The following ABI3BP variants were observed in gnomAD, a reference collection of about 807,000 sequenced individuals.
The protein encoded by ABI3BP is target of Nesh-SH3.
A neutral mutation model predicts 268.6 loss-of-function variants in ABI3BP; 216 were observed. That is an observed-to-expected ratio of 0.80 (90% CI 0.72 to 0.90). The LOEUF is 0.90. Among genes scored for constraint, ABI3BP ranks in the 40% least tolerant of loss-of-function variants. The pLI is 0.00. For missense variants in ABI3BP, 2,090 were observed against 2,182.4 expected, an observed-to-expected ratio of 0.96 and a Z score of 0.84; for synonymous variants, 730 against 730.0, an observed-to-expected ratio of 1.00 and a Z score of 0.00.
chr3:100,819,903 G>A (rs908648894), intron 40 of ABI3BP, among the ~76,000 whole-genome samples: 6 of 145,328 alleles, frequency 4.1e-5, no homozygotes, highest in South Asian at 2.1e-4. Context: ...AGCTGAGATC[G>A]TGCCACTGCA....
chr3:100,853,460 A>C (rs1439130839), intron 14 of ABI3BP, among the ~76,000 whole-genome samples: 1 of 152,196 alleles, frequency 6.6e-6, no homozygotes, highest in East Asian at 1.9e-4. Context: ...AAAATAAGAA[A>C]AACTTTGCCA....
intron 64 of ABI3BP, among the ~76,000 whole-genome samples, chr3:100,754,159 G>A (rs2149300456): frequency 6.6e-6 from 1 of 152,258 alleles, no homozygotes; most frequent in Non-Finnish European, 1.5e-5. Context: ...AAAACTTCAT[G>A]GTAAAAATCA....
chr3:100,940,333 A>C (rs2068376574), intron 1 of ABI3BP, among the ~76,000 whole-genome samples: 1 of 152,080 alleles, frequency 6.6e-6, no homozygotes, highest in East Asian at 1.9e-4. Flanking sequence ...AAATTATAAA[A>C]GTATTAATTT....
At chr3:100,922,850 G>T (rs563364869) in intron 2 of ABI3BP, among the ~76,000 whole-genome samples, 2 of 152,160 alleles carry the variant, frequency 1.3e-5, no homozygotes, top group African/African-American at 4.8e-5. Context: ...TTTAGCAGCT[G>T]CAGGAAATTA....
At chr3:100,933,369 T>C (rs2064442874) in intron 1 of ABI3BP, among the ~76,000 whole-genome samples, 1 of 151,898 alleles carries the variant, frequency 6.6e-6, no homozygotes, top group African/African-American at 2.4e-5. Context: ...TTCTTATCCA[T>C]AGTGTGTTCT....
intron 1 of ABI3BP, among the ~76,000 whole-genome samples, chr3:100,939,583 C>T (rs550832335): frequency 1.1e-4 from 16 of 151,976 alleles, no homozygotes; most frequent in South Asian, 2.1e-4. Context: ...AGGGAGTGTG[C>T]GAATAGGTGT....
intron 6 of ABI3BP, 82 bp downstream of exon 6, chr3:100,885,454 C>A: frequency 1.3e-6 from 1 of 744,098 alleles, no homozygotes; most frequent in Non-Finnish European, 2.0e-6. Context: ...AATCTAATTT[C>A]AGTATCTTAT....
chr3:100,753,019 A>G lies in ABI3BP; in HGVS notation c.4961-71T>C, dbSNP rs2095420920. Reference sequence around the variant, plus strand: ...AGATACTTCAAGAAATCAGTTTACAAAATTTGTCAACTTGCTGATACCTTT... The same window carrying G: ...AGATACTTCAAGAAATCAGTTTACAGAATTTGTCAACTTGCTGATACCTTT... On this transcript the variant is annotated intron_variant, in intron 65 of 67. Coordinates refer to ENST00000471714, the MANE Select transcript of ABI3BP (RefSeq NM_001375547.2). The G allele has an allele frequency of 3.4e-6, 5 of 1,449,846 alleles. No homozygotes were observed. The Admixed American group carries it at 9.2e-5, about 27-fold the overall frequency. 89.8% of individuals were successfully genotyped at this position (1,449,846 alleles called of 1,614,324 possible). A position where few individuals can be genotyped will look rare whatever the true frequency, so the allele number is the denominator to read the frequency against.
intron 1 of ABI3BP, among the ~76,000 whole-genome samples, chr3:100,964,572 A>G (rs765125061): frequency 1.3e-5 from 2 of 152,168 alleles, no homozygotes; most frequent in Non-Finnish European, 1.5e-5. Context: ...CAGGGTATAG[A>G]CACCAGACAA....
chr3:100,765,911 C>T lies in ABI3BP; in HGVS notation c.4780G>A (p.Gly1594Arg). The change falls in exon 63 of 68, where the codon GGG becomes AGG. Residue 1594 changes from glycine (G) to arginine (R), a missense_variant. Physicochemically the swap from Gly to Arg is moderately radical, Grantham distance 125. Coordinates refer to ENST00000471714, the MANE Select transcript of ABI3BP (RefSeq NM_001375547.2). ...VISRENGSFS[G>R]KNKSIQMTNQ... ...GTCATTTGAATGGACTTGTTCTTCC[C>T]ACTGAATGACCCATTTTCTCTGGAT... 6.2e-7 allele frequency: 1 copy of T among 1,612,802 alleles called. No homozygotes were observed. Among genetic ancestry groups the T allele is most frequent in the South Asian group, 1.1e-5 (1 of 90,714 alleles).
Position 100,868,579 on chromosome 3 carries a change from C to T in ABI3BP, c.911-1623G>A, listed in dbSNP as rs924083267. ...ACAATTAGAAAGTCATCTTTCACGACGTTTATAGCAGCAAATCAGTTTTCA... is the reference window on the plus strand; with the variant it reads ...ACAATTAGAAAGTCATCTTTCACGATGTTTATAGCAGCAAATCAGTTTTCA... On this transcript the variant is annotated intron_variant, in intron 9 of 67. Transcript: ENST00000471714. Among the ~76,000 whole-genome samples, 4 of 152,096 alleles carry T rather than the reference C, an allele frequency of 2.6e-5. No individual in the cohort carries two copies. In the East Asian group the frequency reaches 5.8e-4, roughly 22 times the overall value.
At chr3:100,990,789 C>T (rs891930749) in intron 1 of ABI3BP, among the ~76,000 whole-genome samples, 1 of 151,994 alleles carries the variant, frequency 6.6e-6, no homozygotes, top group African/African-American at 2.4e-5. Flanking sequence ...CAGGTTAGAA[C>T]ATGGATTTTG....
intron 49 of ABI3BP, among the ~76,000 whole-genome samples, chr3:100,809,315 C>T (rs73152465): frequency 0.13 from 20,487 of 151,912 alleles, 1,800 homozygotes; most frequent in South Asian, 0.27. Flanking sequence ...TCTCACAGTT[C>T]GTGATTTTCT....
At chr3:100,836,261 T>C (rs1374911944) in intron 27 of ABI3BP, among the ~76,000 whole-genome samples, 1 of 152,204 alleles carries the variant, frequency 6.6e-6, no homozygotes, top group African/African-American at 2.4e-5. Flanking sequence ...ATACAACTTT[T>C]TGTCTAGATA....
chr3:100,878,125 T>A (rs2099182464), intron 6 of ABI3BP, among the ~76,000 whole-genome samples: 2 of 152,212 alleles, frequency 1.3e-5, no homozygotes, highest in Non-Finnish European at 2.9e-5. Flanking sequence ...TTTATTATCA[T>A]AACTTAAAAT....
intron 63 of ABI3BP, among the ~76,000 whole-genome samples, chr3:100,761,501 C>T (rs952444583): frequency 4.6e-5 from 7 of 152,234 alleles, no homozygotes; most frequent in Admixed American, 1.3e-4. Flanking sequence ...TGTCTAATGC[C>T]AGGTGTGGAG....
intron 36 of ABI3BP, 33 bp downstream of exon 36, chr3:100,824,825 G>C: frequency 1.3e-6 from 2 of 1,509,496 alleles, no homozygotes; most frequent in Non-Finnish European, 1.8e-6. Context: ...GGCTGCCAGG[G>C]ATCACCCTTA....
chr3:100,983,969 T>C (rs758991373), intron 1 of ABI3BP, among the ~76,000 whole-genome samples: 1 of 152,180 alleles, frequency 6.6e-6, no homozygotes, highest in Non-Finnish European at 1.5e-5. Context: ...TAAAAATCAC[T>C]TTTAAATTTA....
rs2096527148 is a variant in ABI3BP at position 100,770,910 on chromosome 3, C to G, written c.4574G>C (p.Cys1525Ser). 1.3e-6 allele frequency: 2 copies of G among 1,598,830 alleles called. No homozygotes were observed. The highest frequency in any genetic ancestry group is 1.7e-6 in the Non-Finnish European group (2 of 1,172,706). The change falls in exon 62 of 68, where the codon TGC (cysteine) becomes TCC (serine). Residue 1525 changes from cysteine to serine, a missense_variant. Cys to Ser is a moderately radical substitution (Grantham distance 112). Coordinates refer to ENST00000471714, the MANE Select transcript of ABI3BP (RefSeq NM_001375547.2). ...RYIQKPDNSP[C>S]SITDSVKRFP... ...CCGTTTGACAGAGTCAGTAATGGAG[C>G]AGGGACTGTTGTCAGGCTTTTGGAT... is the stretch of plus-strand genomic sequence containing the variant.
Sources: gnomAD v4.1 joint callset for allele counts (sites outside exome capture counted in the v4.1 genomes callset) on GRCh38, gnomAD v4.1.1 for gene constraint, MANE v1.5 for transcripts, NCBI Gene and HGNC (gene_info 2026-07-23, HGNC 2026-07-21) for gene names.